The following GPR158 variants were observed in gnomAD, a reference collection of about 807,000 sequenced individuals.
The protein encoded by GPR158 is metabotropic glycine receptor.
A neutral mutation model predicts 78.2 loss-of-function variants in GPR158; 30 were observed. The observed-to-expected ratio is 0.38, with a 90% CI of 0.29 to 0.52. The LOEUF is 0.52. Ranked by LOEUF, GPR158 falls within the 20% of genes least tolerant of loss-of-function variation. The pLI is 0.83. For synonymous variants in GPR158, 581 were observed against 591.1 expected (o/e 0.98, Z 0.25); for missense variants, 1,463 against 1,523.5 (o/e 0.96, Z 0.66).
At chr10:25,508,537 C>A (rs1836043148) in intron 5 of GPR158, among the ~76,000 whole-genome samples, 1 of 152,110 alleles carries the variant, frequency 6.6e-6, no homozygotes, top group Non-Finnish European at 1.5e-5. Context: ...GCATTTTGTG[C>A]ACAGTCTCTG....
rs377511154 is a variant in GPR158, at chr10:25,496,244, G to A, written c.1404+29525G>A. Among the ~76,000 whole-genome samples the A allele has an allele frequency of 7.4e-4, 113 of 152,270 alleles. 2 individuals carry two copies. The South Asian group carries it at 0.022, about 30-fold the overall frequency. ...ATTTCAGATTAGTGAAGGTAGACAT[G>A]AGAGGCCTTGGCTGTGACATGTCCA... On this transcript the variant is annotated intron_variant, in intron 5 of 10. Coordinates refer to ENST00000376351, the MANE Select transcript of GPR158 (RefSeq NM_020752.3).
chr10:25,319,790 G>T (rs1334141482), intron 2 of GPR158, among the ~76,000 whole-genome samples: 1 of 151,446 alleles, frequency 6.6e-6, no homozygotes, highest in Non-Finnish European at 1.5e-5. Flanking sequence ...TTATACTCAT[G>T]GATGGTGACA....
intron 4 of GPR158, among the ~76,000 whole-genome samples, chr10:25,429,764 T>C (rs1834873296): frequency 6.9e-6 from 1 of 143,988 alleles, no homozygotes; most frequent in South Asian, 2.3e-4. Context: ...AAAAACCACA[T>C]GACTATCTCA....
intron 5 of GPR158, chr10:25,475,571 G>A (rs1274831750): frequency 6.6e-6 from 1 of 152,012 alleles, no homozygotes; most frequent in Non-Finnish European, 1.5e-5. Flanking sequence ...TTGGTTTTAT[G>A]GAAACAAGTT....
chr10:25,529,830 G>A (rs150719598), intron 5 of GPR158, among the ~76,000 whole-genome samples: 78 of 152,220 alleles, frequency 5.1e-4, no homozygotes, highest in African/African-American at 1.8e-3. Context: ...GTTTTGAGTA[G>A]CAGGCCTTGG....
At chr10:25,493,417 G>A (rs1835837435) in intron 5 of GPR158, among the ~76,000 whole-genome samples, 1 of 152,114 alleles carries the variant, frequency 6.6e-6, no homozygotes, top group African/African-American at 2.4e-5. Flanking sequence ...GAAGAAGATA[G>A]GATGTTTTCT....
intron 2 of GPR158, among the ~76,000 whole-genome samples, chr10:25,364,684 T>C (rs1175269857): frequency 6.6e-6 from 1 of 151,960 alleles, no homozygotes; most frequent in African/African-American, 2.4e-5. Flanking sequence ...TTTTATTGAA[T>C]AATTTTTCTC....
At chr10:25,392,923 G>C (rs1407855075) in intron 2 of GPR158, among the ~76,000 whole-genome samples, 1 of 152,190 alleles carries the variant, frequency 6.6e-6, no homozygotes, top group African/African-American at 2.4e-5. Context: ...TGGAGGTGGA[G>C]TCAGTACAGC....
chr10:25,502,126 C>T (rs768059913), intron 5 of GPR158, among the ~76,000 whole-genome samples: 1 of 152,116 alleles, frequency 6.6e-6, no homozygotes, highest in African/African-American at 2.4e-5. Flanking sequence ...AACAATTCAG[C>T]CCAGGGCTAG....
intron 1 of GPR158, among the ~76,000 whole-genome samples, chr10:25,202,631 CG>C: frequency 6.6e-6 from 1 of 152,266 alleles, no homozygotes; most frequent in Admixed American, 6.5e-5. Context: ...ATATGTGCCA[CG>C]TATTCTTAAT....
intron 2 of GPR158, among the ~76,000 whole-genome samples, chr10:25,362,486 A>G (rs1174325768): frequency 6.6e-6 from 1 of 151,936 alleles, no homozygotes; most frequent in African/African-American, 2.4e-5. Flanking sequence ...TATGTCTGCA[A>G]AAAATGTTGA....
chr10:25,524,959 A>G (rs1473845296), intron 5 of GPR158, among the ~76,000 whole-genome samples: 1 of 152,230 alleles, frequency 6.6e-6, no homozygotes, highest in Non-Finnish European at 1.5e-5. Flanking sequence ...TAGACAAAGG[A>G]TCTGAATAGA....
intron 2 of GPR158, among the ~76,000 whole-genome samples, chr10:25,325,770 C>G (rs1855020998): frequency 6.6e-6 from 1 of 152,042 alleles, no homozygotes; most frequent in African/African-American, 2.4e-5. Flanking sequence ...CCTCACCAGC[C>G]CTTGTTATCT....
chr10:25,219,832 T>C (rs2807237), intron 1 of GPR158, among the ~76,000 whole-genome samples: 31,007 of 152,224 alleles, frequency 0.2, 4,882 homozygotes, highest in African/African-American at 0.43. Flanking sequence ...AATAGGATTG[T>C]TGAACTAGCA....
At chr10:25,579,459 T>TAAC (rs556759601) in intron 7 of GPR158, among the ~76,000 whole-genome samples, 12 of 152,284 alleles carry the variant, frequency 7.9e-5, no homozygotes, top group Admixed American at 7.8e-4. Context: ...ATTTATTTTA[T>TAAC]AACAGAGGTA....
At chr10:25,203,011 G>T (rs1056855232) in intron 1 of GPR158, among the ~76,000 whole-genome samples, 1 of 152,116 alleles carries the variant, frequency 6.6e-6, no homozygotes, top group Non-Finnish European at 1.5e-5. Context: ...GCCAGTGATG[G>T]TGAGCATTTT....
chr10:25,497,418 G>T (rs965741754), intron 5 of GPR158, among the ~76,000 whole-genome samples: 1 of 152,122 alleles, frequency 6.6e-6, no homozygotes, highest in Non-Finnish European at 1.5e-5. Flanking sequence ...AACATAAAGC[G>T]CCTATTAACA....
chr10:25,343,025 GTC>G (rs1002159438), intron 2 of GPR158, among the ~76,000 whole-genome samples: 1 of 151,874 alleles, frequency 6.6e-6, no homozygotes, highest in Non-Finnish European at 1.5e-5. Flanking sequence ...ATCAATGAAA[GTC>G]TCTGATTTGA....
chr10:25,273,940 A>G (rs1487419773), intron 2 of GPR158, among the ~76,000 whole-genome samples: 1 of 152,102 alleles, frequency 6.6e-6, no homozygotes. Context: ...AGCCTCCCAA[A>G]GTACTAGGAT....
Sources: allele counts gnomAD v4.1 joint callset (sites outside exome capture counted in the v4.1 genomes callset), GRCh38; gene constraint gnomAD v4.1.1; transcripts MANE v1.5; gene names NCBI Gene and HGNC (gene_info 2026-07-23, HGNC 2026-07-21).